EYA4: variants seen among roughly 807,000 people sequenced by gnomAD.
EYA4 encodes the protein protein phosphatase EYA4.
Under a neutral mutation model 87.9 loss-of-function variants are expected in EYA4, and 31 were observed. The ratio of observed to expected loss-of-function variants is 0.35; its 90% CI spans 0.27 to 0.48. The LOEUF is 0.48. Among genes scored for constraint, EYA4 ranks in the 20% least tolerant of loss-of-function variants. EYA4 has a pLI of 0.99. For missense variants in EYA4, 678 were observed against 761.4 expected (o/e 0.89, Z 1.29); for synonymous variants, 263 against 270.6 (o/e 0.97, Z 0.28).
intron 2 of EYA4, among the ~76,000 whole-genome samples, chr6:133,355,014 CT>C (rs1451821892): frequency 1.3e-5 from 2 of 152,136 alleles, no homozygotes; most frequent in Admixed American, 1.3e-4. Flanking sequence ...ATAAATCTAC[CT>C]TTTGGGTACA....
At chr6:133,407,975 C>CT (rs1788873840) in intron 3 of EYA4, among the ~76,000 whole-genome samples, 1 of 152,146 alleles carries the variant, frequency 6.6e-6, no homozygotes, top group Non-Finnish European at 1.5e-5. Flanking sequence ...GGAAACCTGA[C>CT]TTACATTAAG....
chr6:133,355,613 T>C (rs1254796665), intron 2 of EYA4, among the ~76,000 whole-genome samples: 1 of 152,206 alleles, frequency 6.6e-6, no homozygotes, highest in Non-Finnish European at 1.5e-5. Flanking sequence ...AACCATACTC[T>C]TAAGCTTACT....
chr6:133,306,443 A>G (rs1318860837), intron 2 of EYA4, among the ~76,000 whole-genome samples: 3 of 152,170 alleles, frequency 2.0e-5, no homozygotes, highest in East Asian at 3.9e-4. Flanking sequence ...TCTCACTTCC[A>G]TTACCTGGCA....
At chr6:133,312,257 G>A (rs188454658) in intron 2 of EYA4, among the ~76,000 whole-genome samples, 1 of 152,178 alleles carries the variant, frequency 6.6e-6, no homozygotes, top group African/African-American at 2.4e-5. Flanking sequence ...ATGTGGGGAG[G>A]GGTGAGGAAA....
At chr6:133,452,550 G>T (rs1192411178) in intron 5 of EYA4, among the ~76,000 whole-genome samples, 1 of 152,124 alleles carries the variant, frequency 6.6e-6, no homozygotes, top group African/African-American at 2.4e-5. Flanking sequence ...GTGTATGGCA[G>T]TAGGGATGAA....
At chr6:133,491,054 T>G (rs1180484198) in intron 13 of EYA4, among the ~76,000 whole-genome samples, 1 of 152,096 alleles carries the variant, frequency 6.6e-6, no homozygotes, top group Non-Finnish European at 1.5e-5. Flanking sequence ...TAATGAGGAA[T>G]TTTGGAAACT....
At chr6:133,498,695 A>G (rs1026651905) in intron 13 of EYA4, among the ~76,000 whole-genome samples, 1 of 146,306 alleles carries the variant, frequency 6.8e-6, no homozygotes. Flanking sequence ...GGTAGCTTAT[A>G]GTAAGTTTGT....
chr6:133,274,950 A>G (rs1479936326), intron 2 of EYA4, 137 bp downstream of exon 2: 2 of 713,146 alleles, frequency 2.8e-6, no homozygotes, highest in Non-Finnish European at 4.8e-6. Context: ...CCTTTCAAAG[A>G]CCATGAAACA....
intron 2 of EYA4, among the ~76,000 whole-genome samples, chr6:133,314,416 C>T (rs1235723019): frequency 6.6e-6 from 1 of 152,142 alleles, no homozygotes; most frequent in Non-Finnish European, 1.5e-5. Flanking sequence ...AGAAACATCT[C>T]ACAGTTAAAT....
At chr6:133,318,791 G>A (rs1379003048) in intron 2 of EYA4, among the ~76,000 whole-genome samples, 1 of 152,112 alleles carries the variant, frequency 6.6e-6, no homozygotes. Flanking sequence ...TTGTATGTAA[G>A]TGTGTTCCTA....
At chr6:133,265,277 G>A (rs1209990352) in intron 1 of EYA4, among the ~76,000 whole-genome samples, 1 of 151,352 alleles carries the variant, frequency 6.6e-6, no homozygotes, top group South Asian at 2.1e-4. Flanking sequence ...AAATAATTGC[G>A]GTTTTTGCTG....
intron 14 of EYA4, among the ~76,000 whole-genome samples, chr6:133,511,962 CTAAG>C (rs1321863214): frequency 2.0e-5 from 3 of 147,974 alleles, no homozygotes; most frequent in East Asian, 2.0e-4. Context: ...ACCTGGGCGA[CTAAG>C]TGAGATTCCA....
In EYA4 at chr6:133,389,108, C is replaced by T. The variant is rs114302493; in HGVS notation, c.83+6667C>T. ...TTCAAATCATCTTCCAGATGTTTTG[C>T]GCCCGTTGCAGCACTCTCCCCTTCT... On this transcript the variant is annotated intron_variant, in intron 3 of 19. Transcript: ENST00000355286. 7.7e-3 allele frequency among the ~76,000 whole-genome samples: 1,175 copies of T among 152,222 alleles called. 17 individuals are homozygous for T. The highest frequency in any genetic ancestry group is 0.027 in the African/African-American group (1,122 of 41,530).
At chr6:133,504,016 C>G (rs2128754731) in intron 13 of EYA4, among the ~76,000 whole-genome samples, 1 of 152,252 alleles carries the variant, frequency 6.6e-6, no homozygotes, top group African/African-American at 2.4e-5. Context: ...CTCCAAGGTT[C>G]AAGGGATTCT....
chr6:133,497,195 G>A (rs1204537350), intron 13 of EYA4, among the ~76,000 whole-genome samples: 1 of 151,916 alleles, frequency 6.6e-6, no homozygotes, highest in East Asian at 1.9e-4. Context: ...GTATCTCTTT[G>A]GCAGGTTCTT....
intron 2 of EYA4, among the ~76,000 whole-genome samples, chr6:133,372,630 T>G (rs914042763): frequency 6.6e-6 from 1 of 151,812 alleles, no homozygotes; most frequent in African/African-American, 2.4e-5. Flanking sequence ...ATGCCAACAT[T>G]CTTGAATTTT....
intron 3 of EYA4, among the ~76,000 whole-genome samples, chr6:133,424,809 TTTGGG>T (rs1790523431): frequency 6.6e-6 from 1 of 150,734 alleles, no homozygotes; most frequent in Non-Finnish European, 1.5e-5. Flanking sequence ...ACAGCCGCAG[TTTGGG>T]CGGCTACAGT....
Position 133,439,049 on chromosome 6 carries a change from CAAAAAAAAAAAAA to C in EYA4, c.84-7566_84-7554del, listed in dbSNP as rs56261819. ...TGGGTGACAAAGCGAGACTCCGTCT[CAAAAAAAAAAAAA>C]AAAAAAAAAAAAAAGTCTTTGGGTT... On this transcript the variant is annotated intron_variant, in intron 3 of 19. Transcript: ENST00000355286. 4.7e-5 allele frequency among the ~76,000 whole-genome samples: 3 copies of C among 64,024 alleles called. 1 individual carries two copies. The highest frequency in any genetic ancestry group is 5.2e-4 in the Admixed American group (2 of 3,842). The allele number at this position is 64,024 out of a possible 152,430, so 42.0% of individuals were successfully genotyped here.
Position 133,479,828 on chromosome 6 carries a change from T to C in EYA4, c.971-1635T>C, listed in dbSNP as rs557198888. Among the ~76,000 whole-genome samples, 5 of 152,332 alleles carry C rather than the reference T, an allele frequency of 3.3e-5. No individual in the cohort carries two copies. In the South Asian group the frequency reaches 6.2e-4, roughly 19 times the overall value. On this transcript the variant is annotated intron_variant, in intron 11 of 19. Coordinates refer to ENST00000355286, the MANE Select transcript of EYA4 (RefSeq NM_004100.5). ...GTAATTCTGACTCTTCAACTTGTTA[T>C]ACTGTATCTCACAGTTGCCTCAGTT...
Sources: gnomAD v4.1 joint callset for allele counts (sites outside exome capture counted in the v4.1 genomes callset) on GRCh38, gnomAD v4.1.1 for gene constraint, MANE v1.5 for transcripts, NCBI Gene and HGNC (gene_info 2026-07-23, HGNC 2026-07-21) for gene names.